The following SNAP91 variants were observed in gnomAD, a reference collection of about 807,000 sequenced individuals.
SNAP91 encodes synaptosome associated protein 91.
A neutral mutation model predicts 100.3 loss-of-function variants in SNAP91; 27 were observed. The observed-to-expected ratio is 0.27, with a 90% confidence interval of 0.20 to 0.37. SNAP91 has a LOEUF of 0.37. SNAP91 is among the 10% of genes least tolerant of loss of function. The pLI, the probability that SNAP91 is intolerant of heterozygous loss-of-function variation, is 1.00. For synonymous variants in SNAP91, 404 were observed against 398.6 expected, an observed-to-expected ratio of 1.01 and a Z score of -0.16; for missense variants, 986 against 1,123.7, an observed-to-expected ratio of 0.88 and a Z score of 1.75.
intron 26 of SNAP91, among the ~76,000 whole-genome samples, chr6:83,573,566 A>C (rs1026634261): frequency 6.6e-6 from 1 of 152,214 alleles, no homozygotes; most frequent in Non-Finnish European, 1.5e-5. Context: ...ACAAGGCTAC[A>C]GTAACCAAAA....
intron 14 of SNAP91, among the ~76,000 whole-genome samples, chr6:83,603,220 T>A (rs906417577): frequency 6.6e-6 from 1 of 152,096 alleles, no homozygotes; most frequent in Admixed American, 6.6e-5. Context: ...TTATAGTCAT[T>A]TAAAATAACT....
intron 16 of SNAP91, among the ~76,000 whole-genome samples, chr6:83,600,780 C>T (rs1293037297): frequency 6.6e-6 from 1 of 152,198 alleles, no homozygotes; most frequent in Non-Finnish European, 1.5e-5. Context: ...CAGGCACATC[C>T]CTTAACTCTC....
chr6:83,676,110 C>CAA (rs34754235), intron 2 of SNAP91, among the ~76,000 whole-genome samples: 4 of 134,044 alleles, frequency 3.0e-5, no homozygotes, highest in African/African-American at 8.1e-5. Flanking sequence ...GACCCTATCT[C>CAA]AAAAAAAAAA....
chr6:83,606,447 G>A (rs571802708), intron 13 of SNAP91, among the ~76,000 whole-genome samples: 2 of 152,278 alleles, frequency 1.3e-5, no homozygotes, highest in East Asian at 3.9e-4. Context: ...TCTCCAAGGA[G>A]CAGCCTTACT....
intron 8 of SNAP91, among the ~76,000 whole-genome samples, chr6:83,629,131 C>T (rs1227367984): frequency 2.0e-5 from 3 of 152,024 alleles, no homozygotes; most frequent in African/African-American, 7.2e-5. Context: ...GTCCTTCCCC[C>T]ACTTTGTTTT....
chr6:83,555,981 CTT>C (rs1777300840), intron 29 of SNAP91, among the ~76,000 whole-genome samples, 160 bp downstream of exon 29: 2 of 151,964 alleles, frequency 1.3e-5, no homozygotes, highest in Admixed American at 6.6e-5. Context: ...TTAAAAAACT[CTT>C]AAAGAGAGCT....
In SNAP91 at chr6:83,588,779, T is replaced by A. The variant is rs919339669; in HGVS notation, c.2014+2432A>T. Among the ~76,000 whole-genome samples the A allele has an allele frequency of 3.3e-5, 5 of 152,240 alleles. No homozygotes were observed. In the East Asian group the frequency reaches 9.7e-4, roughly 29 times the overall value. ...TCCAGTTTCTAGTGTTCTGGGCTCT[T>A]TGAGAAACACAATATCTCAGGTTCT... On this transcript the variant is annotated intron_variant, in intron 22 of 29. Transcript: ENST00000369694.
At position 83,610,687 on chromosome 6, in the gene SNAP91, A is replaced by G. The variant is rs1404648713; in HGVS notation, c.885-10T>C. 4 of 520,450 alleles carry G rather than the reference A, an allele frequency of 7.7e-6. No individual in the cohort carries two copies. The highest frequency in any genetic ancestry group is 1.4e-5 in the Non-Finnish European group (4 of 281,824). The allele number at this position is 520,450 out of a possible 1,614,324, so 32.2% of individuals were successfully genotyped here. On this transcript the variant is annotated splice_polypyrimidine_tract_variant and intron_variant, in intron 11 of 29. Transcript: ENST00000369694. ...AGAGGGAGCACCAGATCTAAAAGGC[A>G]ACATAAAAAAAAATTAAAACTGAAT...
chr6:83,608,093 G>A (rs1160624373), intron 12 of SNAP91, among the ~76,000 whole-genome samples: 1 of 152,072 alleles, frequency 6.6e-6, no homozygotes, highest in East Asian at 1.9e-4. Context: ...AAAGCTAAAT[G>A]TATTTCCTGA....
Position 83,703,913 on chromosome 6 carries a change from G to C in SNAP91, c.130+3885C>G, listed in dbSNP as rs79640153. On this transcript the variant is annotated intron_variant, in intron 2 of 29. Transcript: ENST00000369694. ...ATACTTTAACAATGTAGCATATATA[G>C]AAATCACTCATAAGCACTATTAACT... 8.0e-3 allele frequency among the ~76,000 whole-genome samples: 1,212 copies of C among 152,262 alleles called. 11 individuals carry two copies. The highest frequency in any genetic ancestry group is 0.028 in the African/African-American group (1,164 of 41,548).
chr6:83,669,161 T>C (rs1465012940), intron 2 of SNAP91, among the ~76,000 whole-genome samples: 1 of 152,056 alleles, frequency 6.6e-6, no homozygotes, highest in Non-Finnish European at 1.5e-5. Context: ...TCATAGGTCA[T>C]GGCCATCTGT....
intron 21 of SNAP91, 69 bp from the exon 22 acceptor site, chr6:83,591,363 G>C: frequency 9.8e-7 from 1 of 1,016,308 alleles, no homozygotes; most frequent in South Asian, 1.3e-5. Flanking sequence ...AGTAATTTAA[G>C]TATTATGTAG....
chr6:83,705,778 C>A (rs1476268975), intron 2 of SNAP91, among the ~76,000 whole-genome samples: 1 of 151,568 alleles, frequency 6.6e-6, no homozygotes, highest in Non-Finnish European at 1.5e-5. Flanking sequence ...GCACTCCAGC[C>A]TGGGTGACAG....
intron 26 of SNAP91, among the ~76,000 whole-genome samples, chr6:83,571,087 C>A (rs1806649329): frequency 6.6e-6 from 1 of 151,476 alleles, no homozygotes; most frequent in African/African-American, 2.4e-5. Context: ...ATGGAGCTGC[C>A]CGAGGACCAT....
At chr6:83,658,466 G>A (rs565791212) in intron 6 of SNAP91, among the ~76,000 whole-genome samples, 16 of 152,042 alleles carry the variant, frequency 1.1e-4, no homozygotes, top group African/African-American at 2.9e-4. Flanking sequence ...AAAATTGGCC[G>A]GGCATGGTGG....
intron 2 of SNAP91, among the ~76,000 whole-genome samples, chr6:83,677,562 T>C (rs186377249): frequency 3.4e-4 from 51 of 152,226 alleles, no homozygotes; most frequent in African/African-American, 9.6e-4. Flanking sequence ...CTTAGGGTAG[T>C]AGAAAATTAT....
At chr6:83,670,173 A>T (rs1244832477) in intron 2 of SNAP91, among the ~76,000 whole-genome samples, 4 of 151,454 alleles carry the variant, frequency 2.6e-5, no homozygotes, top group Non-Finnish European at 5.9e-5. Flanking sequence ...CATTTCTACC[A>T]TGCTACATTA....
At chr6:83,699,988 C>G (rs2099271134) in intron 2 of SNAP91, among the ~76,000 whole-genome samples, 2 of 152,078 alleles carry the variant, frequency 1.3e-5, no homozygotes, top group South Asian at 2.1e-4. Flanking sequence ...GAATGGTGAG[C>G]AAAGAAGTCA....
intron 11 of SNAP91, 46 bp downstream of exon 11, chr6:83,614,811 T>C (rs753567644): frequency 1.2e-5 from 18 of 1,483,598 alleles, no homozygotes; most frequent in Admixed American, 1.9e-5. Flanking sequence ...TTTTTGCATT[T>C]TTAGTAATTA....
Sources: allele counts gnomAD v4.1 joint callset (sites outside exome capture counted in the v4.1 genomes callset), GRCh38; gene constraint gnomAD v4.1.1; transcripts MANE v1.5; gene names NCBI Gene and HGNC (gene_info 2026-07-23, HGNC 2026-07-21).